INPP4B: variants seen among roughly 807,000 people sequenced by gnomAD.
The protein encoded by INPP4B is inositol polyphosphate-4-phosphatase type II B, also known as inositol polyphosphate 4-phosphatase type II.
A neutral mutation model predicts 122.5 loss-of-function variants in INPP4B; 55 were observed. That is an observed-to-expected ratio of 0.45 (90% CI 0.36 to 0.56). INPP4B has a LOEUF of 0.56. INPP4B is among the 20% of genes least tolerant of loss of function. The pLI is 0.00. For missense variants in INPP4B, 1,000 were observed against 1,097.7 expected, an observed-to-expected ratio of 0.91 and a Z score of 1.26; for synonymous variants, 403 against 388.7, an observed-to-expected ratio of 1.04 and a Z score of -0.43.
chr4:142,754,094 C>T (rs1034022947), intron 1 of INPP4B, among the ~76,000 whole-genome samples: 12 of 152,018 alleles, frequency 7.9e-5, no homozygotes, highest in Admixed American at 5.3e-4. Flanking sequence ...GTATTTAATG[C>T]CGTAGATGCC....
At chr4:142,476,790 A>G (rs1819842505) in intron 2 of INPP4B, among the ~76,000 whole-genome samples, 1 of 152,192 alleles carries the variant, frequency 6.6e-6, no homozygotes, top group Non-Finnish European at 1.5e-5. Flanking sequence ...ATGCAGGAGC[A>G]CCCAGATTCA....
chr4:142,174,629 CTTCTT>C (rs1827208458), intron 15 of INPP4B, among the ~76,000 whole-genome samples: 1 of 72,920 alleles, frequency 1.4e-5, no homozygotes, highest in African/African-American at 2.8e-5. Flanking sequence ...GAATTATTGA[CTTCTT>C]TTTTTTAAGA....
At chr4:142,639,317 T>G (rs1049416291) in intron 2 of INPP4B, among the ~76,000 whole-genome samples, 1 of 152,168 alleles carries the variant, frequency 6.6e-6, no homozygotes, top group Non-Finnish European at 1.5e-5. Context: ...CATCTGAATG[T>G]GATTGTAGAG....
intron 2 of INPP4B, among the ~76,000 whole-genome samples, chr4:142,566,480 G>T (rs1182678873): frequency 6.6e-6 from 1 of 152,208 alleles, no homozygotes. Context: ...CAGAAGGAAT[G>T]TGATCCTGTA....
chr4:142,141,579 T>G (rs1807848157), intron 18 of INPP4B, among the ~76,000 whole-genome samples: 1 of 152,136 alleles, frequency 6.6e-6, no homozygotes, highest in South Asian at 2.1e-4. Flanking sequence ...ACAGAAAGTT[T>G]TATGTCTCTC....
At chr4:142,452,314 C>A (rs957084459) in intron 3 of INPP4B, among the ~76,000 whole-genome samples, 1 of 152,122 alleles carries the variant, frequency 6.6e-6, no homozygotes, top group African/African-American at 2.4e-5. Context: ...CAACAGTGAC[C>A]CGATGTCCTG....
At chr4:142,557,714 T>A (rs1346822901) in intron 2 of INPP4B, among the ~76,000 whole-genome samples, 1 of 152,186 alleles carries the variant, frequency 6.6e-6, no homozygotes, top group Non-Finnish European at 1.5e-5. Flanking sequence ...TAACAATAAG[T>A]AATACCAGTG....
Position 142,410,588 on chromosome 4 carries a change from A to AT in INPP4B, c.137-5265dup, listed in dbSNP as rs139837685. ...AATTTAGACTTAGAGGAGAAACCAC[A>AT]TACCATAGTGTATGGAGGATAAAGA... On this transcript the variant is annotated intron_variant, in intron 5 of 25. Coordinates refer to ENST00000262992, the MANE Select transcript of INPP4B (RefSeq NM_001101669.3). Among the ~76,000 whole-genome samples, 687 of 152,342 alleles carry AT rather than the reference A, an allele frequency of 4.5e-3. 4 individuals are homozygous for AT. The highest frequency in any genetic ancestry group is 0.016 in the African/African-American group (672 of 41,568).
chr4:142,124,538 T>C, intron 19 of INPP4B, 50 bp downstream of exon 19: 3 of 1,492,762 alleles, frequency 2.0e-6, no homozygotes, highest in South Asian at 1.1e-5. Context: ...AAGGATAGGA[T>C]GTTAACAATC....
chr4:142,332,949 T>C (rs1365868584), intron 7 of INPP4B, among the ~76,000 whole-genome samples: 1 of 142,132 alleles, frequency 7.0e-6, no homozygotes, highest in Non-Finnish European at 1.5e-5. Context: ...AGGCGGAGCT[T>C]GTAGTAAGCC....
chr4:142,270,986 C>G (rs565435712), intron 9 of INPP4B, among the ~76,000 whole-genome samples: 4 of 149,938 alleles, frequency 2.7e-5, no homozygotes, highest in Admixed American at 2.0e-4. Context: ...TTTTTGAGAT[C>G]AAGTTTTGCT....
At chr4:142,698,093 A>G (rs1176498419) in intron 2 of INPP4B, among the ~76,000 whole-genome samples, 2 of 152,098 alleles carry the variant, frequency 1.3e-5, no homozygotes, top group Non-Finnish European at 2.9e-5. Flanking sequence ...CTTATAAAAC[A>G]CTCAAGCTGA....
At chr4:142,377,085 A>T (rs1213868747) in intron 7 of INPP4B, among the ~76,000 whole-genome samples, 1 of 150,692 alleles carries the variant, frequency 6.6e-6, no homozygotes, top group African/African-American at 2.4e-5. Context: ...CTTAAGCCTT[A>T]ATTCGATTTC....
At chr4:142,321,944 G>C (rs1473833061) in intron 7 of INPP4B, among the ~76,000 whole-genome samples, 1 of 152,084 alleles carries the variant, frequency 6.6e-6, no homozygotes, top group Non-Finnish European at 1.5e-5. Context: ...AAGCAACATA[G>C]CTAACATTAA....
At chr4:142,373,074 A>G (rs1339494961) in intron 7 of INPP4B, among the ~76,000 whole-genome samples, 1 of 152,098 alleles carries the variant, frequency 6.6e-6, no homozygotes, top group Non-Finnish European at 1.5e-5. Flanking sequence ...AATAGAAATC[A>G]GTCTCAAATA....
intron 7 of INPP4B, among the ~76,000 whole-genome samples, chr4:142,331,743 A>G (rs367733078): frequency 1.3e-5 from 2 of 152,330 alleles, no homozygotes; most frequent in East Asian, 3.9e-4. Context: ...CAGTCTCATG[A>G]CATATTTGTG....
At chr4:142,302,110 A>G (rs1392826724) in intron 9 of INPP4B, among the ~76,000 whole-genome samples, 2 of 152,160 alleles carry the variant, frequency 1.3e-5, no homozygotes, top group Admixed American at 6.6e-5. Flanking sequence ...AGATCAGGAT[A>G]GAGTCAGGGT....
rs58829807 is a variant in INPP4B at position 142,659,331 on chromosome 4, G to A, written c.-191+66508C>T. ...TGAGGCAGAAGAATGGCGTGAACCC[G>A]GGAGGTGGAGCTTGCAGTGAGCCAA... On this transcript the variant is annotated intron_variant, in intron 2 of 25. Coordinates refer to ENST00000262992, the MANE Select transcript of INPP4B (RefSeq NM_001101669.3). Among the ~76,000 whole-genome samples the A allele has an allele frequency of 1.7e-3, 261 of 151,824 alleles. 5 individuals carry two copies. Among genetic ancestry groups the A allele is most frequent in the African/African-American group, 5.4e-3 (223 of 41,402 alleles).
chr4:142,596,251 T>G (rs1428879957), intron 2 of INPP4B, among the ~76,000 whole-genome samples: 7 of 152,194 alleles, frequency 4.6e-5, no homozygotes, highest in African/African-American at 2.4e-5. Flanking sequence ...TATTCTTCCC[T>G]TGAATCTGGA....
Sources: gnomAD v4.1 joint callset for allele counts (sites outside exome capture counted in the v4.1 genomes callset) on GRCh38, gnomAD v4.1.1 for gene constraint, MANE v1.5 for transcripts, NCBI Gene and HGNC (gene_info 2026-07-23, HGNC 2026-07-21) for gene names.